PTPRT: variants seen among roughly 807,000 people sequenced by gnomAD.
PTPRT encodes receptor-type tyrosine-protein phosphatase T.
PTPRT carries 56 observed loss-of-function variants against 176.8 expected under a neutral mutation model. The ratio of observed to expected loss-of-function variants is 0.32; its 90% CI spans 0.26 to 0.40. The LOEUF (loss-of-function observed/expected upper bound fraction) is 0.40, where lower values mean the gene tolerates loss of function less well. Among genes scored for constraint, PTPRT ranks in the 10% least tolerant of loss-of-function variants. The probability of loss-of-function intolerance (pLI) is 1.00; values close to 1 mark genes in which losing one functional copy is unlikely to be tolerated. For synonymous variants in PTPRT, 783 were observed against 739.0 expected, an observed-to-expected ratio of 1.06 and a Z score of -0.96; for missense variants, 1,540 against 1,908.2, an observed-to-expected ratio of 0.81 and a Z score of 3.60.
intron 7 of PTPRT, among the ~76,000 whole-genome samples, chr20:42,612,034 C>T (rs774850750): frequency 4.3e-4 from 66 of 152,146 alleles, no homozygotes; most frequent in Non-Finnish European, 7.5e-4. Context: ...GGCCCTTGGT[C>T]GTGAGTTGCA....
rs1321419251 is a variant in PTPRT, at chr20:43,063,673, A to G, written c.88+125973T>C. ...CATCTCCCTTTTGGAAGAAATTCCTAAATGTTCTGGCTTCATAGTGAGTGC... is the reference window on the plus strand; with the variant it reads ...CATCTCCCTTTTGGAAGAAATTCCTGAATGTTCTGGCTTCATAGTGAGTGC... On this transcript the variant is annotated intron_variant, in intron 1 of 30. Coordinates refer to ENST00000373187, the MANE Select transcript of PTPRT (RefSeq NM_007050.6). The G allele has an allele frequency of 2.0e-5, 3 of 152,248 alleles. No individual in the cohort carries two copies. The South Asian group carries it at 6.2e-4, about 32-fold the overall frequency. 9.4% of individuals were successfully genotyped at this position (152,248 alleles called of 1,614,324 possible). A position where few individuals can be genotyped will look rare whatever the true frequency, so the allele number is the denominator to read the frequency against.
At chr20:42,265,662 G>A (rs1417369202) in intron 13 of PTPRT, among the ~76,000 whole-genome samples, 1 of 152,044 alleles carries the variant, frequency 6.6e-6, no homozygotes, top group East Asian at 1.9e-4. Flanking sequence ...CGGTTCTCCT[G>A]CCTCTGGTTC....
intron 1 of PTPRT, among the ~76,000 whole-genome samples, chr20:43,067,326 G>A (rs1191516307): frequency 1.3e-5 from 2 of 152,180 alleles, no homozygotes; most frequent in Non-Finnish European, 2.9e-5. Flanking sequence ...GGGAGTGGGG[G>A]TTGGAGAGTG....
intron 2 of PTPRT, among the ~76,000 whole-genome samples, chr20:42,801,854 G>C (rs955225998): frequency 1.3e-5 from 2 of 152,060 alleles, no homozygotes; most frequent in African/African-American, 4.8e-5. Flanking sequence ...CCTTGTGGGG[G>C]GGCTAAAAGA....
intron 14 of PTPRT, among the ~76,000 whole-genome samples, chr20:42,241,619 T>C (rs2056355677): frequency 6.6e-6 from 1 of 152,006 alleles, no homozygotes; most frequent in East Asian, 1.9e-4. Flanking sequence ...GGAAGAAAGG[T>C]CAGCAGTGTG....
intron 7 of PTPRT, among the ~76,000 whole-genome samples, chr20:42,544,085 C>T (rs1047621357): frequency 3.0e-4 from 46 of 152,108 alleles, no homozygotes; most frequent in Admixed American, 2.6e-3. Context: ...TCAAGAGTCA[C>T]CAGTTGCATT....
At chr20:43,137,563 T>C (rs2013871561) in intron 1 of PTPRT, among the ~76,000 whole-genome samples, 2 of 152,150 alleles carry the variant, frequency 1.3e-5, no homozygotes, top group South Asian at 2.1e-4. Flanking sequence ...AAACACCCCA[T>C]GGAAAACCAA....
At chr20:42,864,719 C>A (rs2078716855) in intron 2 of PTPRT, among the ~76,000 whole-genome samples, 1 of 152,160 alleles carries the variant, frequency 6.6e-6, no homozygotes, top group Admixed American at 6.5e-5. Flanking sequence ...TTCTGAAATT[C>A]AACTGTACAG....
At chr20:42,789,505 C>A (rs746257630) in intron 3 of PTPRT, among the ~76,000 whole-genome samples, 1 of 152,094 alleles carries the variant, frequency 6.6e-6, no homozygotes, top group Non-Finnish European at 1.5e-5. Context: ...AAAATGGGTA[C>A]GTAGTACCTG....
intron 17 of PTPRT, among the ~76,000 whole-genome samples, chr20:42,153,105 CA>C (rs11476631): frequency 0.13 from 20,313 of 152,132 alleles, 3,490 homozygotes; most frequent in African/African-American, 0.4. Context: ...CAAGAAGTGG[CA>C]AAAAGCAAGT....
intron 7 of PTPRT, among the ~76,000 whole-genome samples, chr20:42,506,158 T>G (rs1417669517): frequency 6.6e-6 from 1 of 152,228 alleles, no homozygotes; most frequent in East Asian, 1.9e-4. Flanking sequence ...GTATGTTTTA[T>G]GTACCCAAAT....
intron 7 of PTPRT, among the ~76,000 whole-genome samples, chr20:42,614,241 CT>C (rs1330154562): frequency 6.6e-6 from 1 of 152,124 alleles, no homozygotes; most frequent in Non-Finnish European, 1.5e-5. Context: ...TAAACTTCCC[CT>C]TTTTGTAAGG....
chr20:42,036,932 T>C, the PTPRT span, among the ~76,000 whole-genome samples: 1 of 152,174 alleles, frequency 6.6e-6, no homozygotes, highest in Non-Finnish European at 1.5e-5. Context: ...GACTCCAAGA[T>C]TGAATAACTC....
intron 7 of PTPRT, among the ~76,000 whole-genome samples, chr20:42,508,918 A>G (rs985682176): frequency 3.5e-5 from 5 of 144,874 alleles, no homozygotes; most frequent in East Asian, 2.0e-4. Flanking sequence ...ATAATTTATA[A>G]ATATAAATAA....
chr20:43,011,127 ACTT>A (rs1985099242), intron 1 of PTPRT, among the ~76,000 whole-genome samples: 1 of 152,128 alleles, frequency 6.6e-6, no homozygotes, highest in Non-Finnish European at 1.5e-5. Context: ...TTATTCATTC[ACTT>A]CTTCACTCAT....
intron 2 of PTPRT, among the ~76,000 whole-genome samples, chr20:42,819,260 GA>G (rs1333784846): frequency 6.6e-6 from 1 of 152,218 alleles, no homozygotes; most frequent in East Asian, 1.9e-4. Flanking sequence ...TATTCTTAAA[GA>G]AAAGAATTTT....
chr20:42,112,855 G>GTGA (rs1987076824), intron 22 of PTPRT, among the ~76,000 whole-genome samples: 1 of 152,240 alleles, frequency 6.6e-6, no homozygotes, highest in African/African-American at 2.4e-5. Context: ...GATGAAGGCA[G>GTGA]TGATGAATGA....
At chr20:42,263,622 G>A (rs556431182) in intron 13 of PTPRT, among the ~76,000 whole-genome samples, 7 of 150,704 alleles carry the variant, frequency 4.6e-5, no homozygotes, top group Middle Eastern at 3.4e-3. Context: ...CTCATGATCC[G>A]CCCACCTTGG....
chr20:42,157,539 T>C (rs1229484890), intron 17 of PTPRT, among the ~76,000 whole-genome samples: 1 of 151,776 alleles, frequency 6.6e-6, no homozygotes, highest in Non-Finnish European at 1.5e-5. Flanking sequence ...AGAGAAGGGG[T>C]TTCACCATGT....
Sources: gnomAD v4.1 joint callset for allele counts (sites outside exome capture counted in the v4.1 genomes callset) on GRCh38, gnomAD v4.1.1 for gene constraint, MANE v1.5 for transcripts, NCBI Gene and HGNC (gene_info 2026-07-23, HGNC 2026-07-21) for gene names.